IGF1R: variants seen among roughly 807,000 people sequenced by gnomAD.
IGF1R encodes the protein insulin-like growth factor 1 receptor.
IGF1R carries 44 observed loss-of-function variants against 144.6 expected under a neutral mutation model. That is an observed-to-expected ratio of 0.30 (90% CI 0.24 to 0.39). The LOEUF (loss-of-function observed/expected upper bound fraction) is 0.39, where lower values mean the gene tolerates loss of function less well. IGF1R is among the 10% of genes least tolerant of loss of function. The pLI is 1.00. For synonymous variants in IGF1R, 795 were observed against 722.8 expected (o/e 1.10, Z -1.60); for missense variants, 1,355 against 1,833.7 (o/e 0.74, Z 4.77).
chr15:98,875,789 G>T (rs1289798705), intron 2 of IGF1R, among the ~76,000 whole-genome samples: 2 of 152,188 alleles, frequency 1.3e-5, no homozygotes, highest in Non-Finnish European at 2.9e-5. Context: ...GAGAGGAGAA[G>T]CCCACTGGAT....
chr15:98,769,455 G>T (rs1211208997), intron 2 of IGF1R, among the ~76,000 whole-genome samples: 1 of 152,130 alleles, frequency 6.6e-6, no homozygotes, highest in Non-Finnish European at 1.5e-5. Flanking sequence ...GCTGCTCCCA[G>T]GGGCCTTCTA....
chr15:98,763,880 A>AT (rs1410784440), intron 2 of IGF1R, among the ~76,000 whole-genome samples: 1 of 152,058 alleles, frequency 6.6e-6, no homozygotes, highest in African/African-American at 2.4e-5. Context: ...GCGTGACCTC[A>AT]TTAGCATGTA....
At chr15:98,856,037 C>G (rs1416384546) in intron 2 of IGF1R, among the ~76,000 whole-genome samples, 1 of 152,192 alleles carries the variant, frequency 6.6e-6, no homozygotes, top group African/African-American at 2.4e-5. Flanking sequence ...TCCCCACAGC[C>G]TCGGTTTAGA....
At chr15:98,784,416 T>C (rs990257546) in intron 2 of IGF1R, 1 of 154,040 alleles carries the variant, frequency 6.5e-6, no homozygotes, top group African/African-American at 2.4e-5. Flanking sequence ...TTTCTGCTAG[T>C]AGAATTTTTA....
At chr15:98,948,793 A>C in intron 20 of IGF1R, 85 bp downstream of exon 20, 3 of 1,487,730 alleles carry the variant, frequency 2.0e-6, no homozygotes, top group South Asian at 1.1e-5. Flanking sequence ...TTAGGAGATT[A>C]AAGCCATTCT....
chr15:98,766,425 C>A (rs560503420), intron 2 of IGF1R, among the ~76,000 whole-genome samples: 76 of 152,220 alleles, frequency 5.0e-4, no homozygotes, highest in African/African-American at 1.7e-3. Flanking sequence ...AGTAGGTATT[C>A]TGAAAATTCC....
chr15:98,714,588 C>T (rs1307935685), intron 2 of IGF1R, among the ~76,000 whole-genome samples: 1 of 150,740 alleles, frequency 6.6e-6, no homozygotes, highest in Admixed American at 6.6e-5. Context: ...ATGGAGGTTA[C>T]AGTGAGCCGT....
In IGF1R at chr15:98,754,371, G is replaced by A. The variant is rs750783484; in HGVS notation, c.640+46264G>A. On this transcript the variant is annotated intron_variant, in intron 2 of 20. Transcript: ENST00000650285. ...CTCATTGTCCAAAAGAGTCTTAAGC[G>A]ATCTCCAGGAAATCCCCTGCTCCTG... Among the ~76,000 whole-genome samples the A allele has an allele frequency of 1.3e-4, 20 of 152,232 alleles. No individual in the cohort carries two copies. The Middle Eastern group carries it at 0.01, about 78-fold the overall frequency.
At chr15:98,943,249 C>T (rs967005666) in intron 19 of IGF1R, among the ~76,000 whole-genome samples, 197 bp downstream of exon 19, 1 of 152,146 alleles carries the variant, frequency 6.6e-6, no homozygotes, top group African/African-American at 2.4e-5. Context: ...GAAGGGCATT[C>T]GTGGGATTTT....
At chr15:98,921,774 G>A (rs1567200351) in intron 10 of IGF1R, among the ~76,000 whole-genome samples, 1 of 152,168 alleles carries the variant, frequency 6.6e-6, no homozygotes, top group Non-Finnish European at 1.5e-5. Context: ...CTTAACCACA[G>A]CTGATAGGTT....
intron 2 of IGF1R, among the ~76,000 whole-genome samples, chr15:98,817,720 A>G (rs972456929): frequency 6.6e-6 from 1 of 152,320 alleles, no homozygotes; most frequent in Middle Eastern, 3.4e-3. Flanking sequence ...CTTAAACAAT[A>G]GACATTGCAG....
intron 2 of IGF1R, among the ~76,000 whole-genome samples, chr15:98,834,890 A>G (rs2057065598): frequency 6.6e-6 from 1 of 152,196 alleles, no homozygotes; most frequent in South Asian, 2.1e-4. Context: ...AACCGTTGTC[A>G]GAGCTAACAG....
At chr15:98,836,521 TAAAAAA>T (rs36070885) in intron 2 of IGF1R, among the ~76,000 whole-genome samples, 1 of 129,880 alleles carries the variant, frequency 7.7e-6, no homozygotes, top group African/African-American at 2.8e-5. Flanking sequence ...CCTGTCTCTT[TAAAAAA>T]AAAAAAAAAA....
At chr15:98,768,011 C>T (rs1411586453) in intron 2 of IGF1R, among the ~76,000 whole-genome samples, 1 of 152,048 alleles carries the variant, frequency 6.6e-6, no homozygotes, top group African/African-American at 2.4e-5. Flanking sequence ...GTGCCTCTAG[C>T]CATGAGGTGA....
At chr15:98,700,534 CT>C (rs2053703633) in intron 1 of IGF1R, among the ~76,000 whole-genome samples, 1 of 152,144 alleles carries the variant, frequency 6.6e-6, no homozygotes, top group Admixed American at 6.5e-5. Context: ...GGCCTCACCT[CT>C]TGCGTTTTAA....
chr15:98,958,196 C>G lies in IGF1R; in HGVS notation c.*754C>G, dbSNP rs2017087723. On this transcript the variant is annotated 3_prime_UTR_variant, in exon 21 of 21. Transcript: ENST00000650285. ...TGCTCAAGGCCACAGGCACACAGGTCTCATTGCTTCTGACTAGATTATTAT... is the reference window on the plus strand; with the variant it reads ...TGCTCAAGGCCACAGGCACACAGGTGTCATTGCTTCTGACTAGATTATTAT... The G allele has an allele frequency of 4.3e-6, 1 of 232,702 alleles. No individual in the cohort carries two copies. Among genetic ancestry groups the G allele is most frequent in the African/African-American group, 2.2e-5 (1 of 45,298 alleles). The allele number at this position is 232,702 out of a possible 1,614,324, so 14.4% of individuals were successfully genotyped here.
At position 98,957,053 on chromosome 15, in the gene IGF1R, G is replaced by C; in HGVS notation, c.3723-8G>C. 1 of 1,614,118 alleles carries C rather than the reference G, an allele frequency of 6.2e-7. No homozygotes were observed. The highest frequency in any genetic ancestry group is 8.5e-7 in the Non-Finnish European group (1 of 1,180,022). On this transcript the variant is annotated splice_polypyrimidine_tract_variant and splice_region_variant and intron_variant, in intron 20 of 20. Transcript: ENST00000650285. ...GTTTGGACCCCCTCCCGTGTGTCTTGGCTGCAGGTTTGAACTGATGCGCAT... is the reference window on the plus strand; with the variant it reads ...GTTTGGACCCCCTCCCGTGTGTCTTCGCTGCAGGTTTGAACTGATGCGCAT...
chr15:98,897,115 G>A (rs1211104128), intron 4 of IGF1R, among the ~76,000 whole-genome samples: 2 of 152,154 alleles, frequency 1.3e-5, no homozygotes, highest in Middle Eastern at 3.2e-3. Flanking sequence ...CCATTGGCAC[G>A]TCATTTATTC....
At chr15:98,892,034 A>C (rs2013949524) in intron 3 of IGF1R, among the ~76,000 whole-genome samples, 1 of 152,154 alleles carries the variant, frequency 6.6e-6, no homozygotes, top group African/African-American at 2.4e-5. Context: ...GTGCAAAAGA[A>C]AAGACATGCT....
Sources: allele counts gnomAD v4.1 joint callset (sites outside exome capture counted in the v4.1 genomes callset), GRCh38; gene constraint gnomAD v4.1.1; transcripts MANE v1.5; gene names NCBI Gene and HGNC (gene_info 2026-07-23, HGNC 2026-07-21).